The following RNF122 variants were observed in gnomAD, a reference collection of about 807,000 sequenced individuals.
RNF122 encodes the protein ring finger protein 122.
In RNF122, 17 loss-of-function variants were observed where a neutral mutation model predicts 24.2. The ratio of observed to expected loss-of-function variants is 0.70; its 90% CI spans 0.48 to 1.06. The LOEUF (loss-of-function observed/expected upper bound fraction) is 1.06, where lower values mean the gene tolerates loss of function less well. RNF122 is among the 50% of genes least tolerant of loss of function. The pLI is 0.00. For synonymous variants in RNF122, 65 were observed against 71.8 expected (o/e 0.91, Z 0.48); for missense variants, 168 against 198.1 (o/e 0.85, Z 0.91).
At chr8:33,551,460 G>T in intron 2 of RNF122, 71 bp from the exon 3 acceptor site, 1 of 1,521,298 alleles carries the variant, frequency 6.6e-7, no homozygotes, top group Non-Finnish European at 9.1e-7. Flanking sequence ...AGGCTGGCTG[G>T]CTGCTTGGGC....
rs1810308760 is a variant in RNF122, at chr8:33,547,893, G to A, written c.*860C>T. On this transcript the variant is annotated 3_prime_UTR_variant, in exon 6 of 6. Transcript: ENST00000256257. ...TTCGTATCTAAAGCCTGAGAGGCGA[G>A]GATGAAGTATAAAAATACTATTTAC... 2.0e-5 allele frequency: 3 copies of A among 147,996 alleles called. No homozygotes were observed. The South Asian group carries it at 6.5e-4, about 32-fold the overall frequency. 9.2% of individuals were successfully genotyped at this position (147,996 alleles called of 1,614,324 possible).
intron 1 of RNF122, among the ~76,000 whole-genome samples, chr8:33,559,902 C>T (rs554754701): frequency 1.2e-4 from 18 of 147,902 alleles, no homozygotes; most frequent in Non-Finnish European, 2.5e-4. Flanking sequence ...AGGGCAGTGG[C>T]GTGATCTTGG....
At chr8:33,555,186 GT>G (rs113014976) in intron 2 of RNF122, among the ~76,000 whole-genome samples, 1 of 151,608 alleles carries the variant, frequency 6.6e-6, no homozygotes, top group Non-Finnish European at 1.5e-5. Context: ...TGTTTTTTGT[GT>G]TTTTTTGGGT....
intron 2 of RNF122, among the ~76,000 whole-genome samples, chr8:33,552,619 C>A (rs1810393554): frequency 6.6e-6 from 1 of 152,134 alleles, no homozygotes; most frequent in African/African-American, 2.4e-5. Context: ...GGGACACACC[C>A]TACCTTTTAT....
rs1422506839 is a variant in RNF122, at chr8:33,566,909, A to C, written c.-186T>G. 3 of 647,286 alleles carry C rather than the reference A, an allele frequency of 4.6e-6. No individual in the cohort carries two copies. The highest frequency in any genetic ancestry group is 8.3e-6 in the Non-Finnish European group (3 of 362,606). The allele number at this position is 647,286 out of a possible 1,614,324, so 40.1% of individuals were successfully genotyped here. On this transcript the variant is annotated 5_prime_UTR_variant, in exon 1 of 6. Transcript: ENST00000256257. ...TTTGACGAGGCTGGTGTTCAGCCCAACAAAGAGGGACGAGGAGGAAACAAA... is the reference window on the plus strand; with the variant it reads ...TTTGACGAGGCTGGTGTTCAGCCCACCAAAGAGGGACGAGGAGGAAACAAA...
chr8:33,564,101 C>T (rs879573733), intron 1 of RNF122, among the ~76,000 whole-genome samples: 22 of 152,152 alleles, frequency 1.4e-4, no homozygotes, highest in Non-Finnish European at 2.9e-4. Context: ...TGGTCAAAAG[C>T]TGACACTGTA....
intron 2 of RNF122, among the ~76,000 whole-genome samples, chr8:33,555,930 G>A (rs1810444972): frequency 6.6e-6 from 1 of 152,182 alleles, no homozygotes; most frequent in African/African-American, 2.4e-5. Context: ...CACTTTGGGA[G>A]GCTGAGGCAG....
At chr8:33,557,311 T>A (rs1810467675) in intron 2 of RNF122, among the ~76,000 whole-genome samples, 1 of 152,028 alleles carries the variant, frequency 6.6e-6, no homozygotes, top group South Asian at 2.1e-4. Flanking sequence ...TAAATACCAG[T>A]CATGCTCAAA....
At chr8:33,555,817 C>T (rs1305375285) in intron 2 of RNF122, among the ~76,000 whole-genome samples, 1 of 152,108 alleles carries the variant, frequency 6.6e-6, no homozygotes, top group African/African-American at 2.4e-5. Flanking sequence ...ATTAAGCGAG[C>T]TAAATGTTTT....
intron 1 of RNF122, 119 bp from the exon 2 acceptor site, chr8:33,558,890 T>C (rs1042707984): frequency 6.2e-6 from 4 of 645,238 alleles, no homozygotes; most frequent in Non-Finnish European, 9.8e-6. Flanking sequence ...TCAGATTCAG[T>C]GGCTCCAGTT....
intron 5 of RNF122, among the ~76,000 whole-genome samples, 180 bp from the exon 6 acceptor site, chr8:33,549,047 C>T (rs1810331830): frequency 1.3e-5 from 2 of 152,056 alleles, no homozygotes; most frequent in South Asian, 4.2e-4. Flanking sequence ...ATGGTGAAAC[C>T]CCATCTATAC....
intron 4 of RNF122, among the ~76,000 whole-genome samples, chr8:33,550,545 T>G (rs1810359451): frequency 6.6e-6 from 1 of 151,340 alleles, no homozygotes; most frequent in South Asian, 2.1e-4. Context: ...AAGTCAGAGT[T>G]GAGGGGACTC....
chr8:33,566,216 C>A (rs1219647691), intron 1 of RNF122, among the ~76,000 whole-genome samples: 1 of 152,188 alleles, frequency 6.6e-6, no homozygotes, highest in African/African-American at 2.4e-5. Flanking sequence ...CCGTGGGAAA[C>A]CAACAAAGCC....
chr8:33,563,635 A>G (rs762123592), intron 1 of RNF122, among the ~76,000 whole-genome samples: 79 of 152,164 alleles, frequency 5.2e-4, no homozygotes, highest in Admixed American at 1.4e-3. Flanking sequence ...ATCATGGCAG[A>G]CTGGCTAGAG....
chr8:33,566,556 C>T (rs1351109200), intron 1 of RNF122, 143 bp downstream of exon 1: 3 of 796,644 alleles, frequency 3.8e-6, no homozygotes, highest in East Asian at 5.4e-5. Context: ...CAGAGTGGGG[C>T]GCCAAGACGC....
In RNF122 at chr8:33,566,860, C is replaced by T. The variant is rs1205211865; in HGVS notation, c.-137G>A. On this transcript the variant is annotated 5_prime_UTR_variant, in exon 1 of 6. Coordinates refer to ENST00000256257, the MANE Select transcript of RNF122 (RefSeq NM_024787.3). ...GCTGCAGCCGCCCTGCTGGAGAAGC[C>T]GAACTCCCTCCGGAGTGGGGGGCTT... 8 of 934,616 alleles carry T rather than the reference C, an allele frequency of 8.6e-6. No individual in the cohort carries two copies. The highest frequency in any genetic ancestry group is 1.3e-5 in the Non-Finnish European group (8 of 595,668). The allele number at this position is 934,616 out of a possible 1,614,324, so 57.9% of individuals were successfully genotyped here. A position where few individuals can be genotyped will look rare whatever the true frequency, so the allele number is the denominator to read the frequency against.
Position 33,557,818 on chromosome 8 carries a change from C to G in RNF122, c.182+797G>C, listed in dbSNP as rs1418763603. 3.1e-5 allele frequency among the ~76,000 whole-genome samples: 4 copies of G among 130,480 alleles called. No homozygotes were observed. The East Asian group carries it at 8.6e-4, about 28-fold the overall frequency. 85.6% of individuals were successfully genotyped at this position (130,480 alleles called of 152,430 possible). On this transcript the variant is annotated intron_variant, in intron 2 of 5. Coordinates refer to ENST00000256257, the MANE Select transcript of RNF122 (RefSeq NM_024787.3). ...TAGGTTTGTTTTGGTTTTTTCCACT[C>G]TCAAAAATAAGAGCTTATAAGGCGG... is the stretch of plus-strand genomic sequence containing the variant.
At chr8:33,555,349 C>T (rs1374701643) in intron 2 of RNF122, among the ~76,000 whole-genome samples, 1 of 151,912 alleles carries the variant, frequency 6.6e-6, no homozygotes, top group Non-Finnish European at 1.5e-5. Context: ...ATTACAGGTG[C>T]CTGCCACAGC....
At chr8:33,565,193 C>T (rs1810603640) in intron 1 of RNF122, among the ~76,000 whole-genome samples, 1 of 152,136 alleles carries the variant, frequency 6.6e-6, no homozygotes, top group African/African-American at 2.4e-5. Flanking sequence ...CCATCCTCTG[C>T]CCCCTCTCCC....
Sources: allele counts gnomAD v4.1 joint callset (sites outside exome capture counted in the v4.1 genomes callset), GRCh38; gene constraint gnomAD v4.1.1; transcripts MANE v1.5; gene names NCBI Gene and HGNC (gene_info 2026-07-23, HGNC 2026-07-21).